The following OR1J2 variants were observed in gnomAD, a reference collection of about 807,000 sequenced individuals.
The protein encoded by OR1J2 is olfactory receptor family 1 subfamily J member 2.
For synonymous variants in OR1J2, 142 were observed against 99.7 expected (o/e 1.42, Z -2.52); for missense variants, 304 against 246.1 (o/e 1.24, Z -1.57).
chr9:122,538,276 C>T, the OR1J2 span, among the ~76,000 whole-genome samples: 1 of 152,050 alleles, frequency 6.6e-6, no homozygotes, highest in Admixed American at 6.6e-5. Context: ...TTCCTTTCTT[C>T]TCTCTCATCA....
chr9:122,558,656 A>G, the OR1J2 span, among the ~76,000 whole-genome samples: 1 of 150,698 alleles, frequency 6.6e-6, no homozygotes, highest in African/African-American at 2.4e-5. Context: ...TAGGTTTGCC[A>G]TTACCAAAAA....
At chr9:122,470,616 C>T in the OR1J2 span, among the ~76,000 whole-genome samples, 3 of 152,174 alleles carry the variant, frequency 2.0e-5, no homozygotes, top group East Asian at 5.8e-4. Context: ...GGCCACTGTT[C>T]TCCAGACCCC....
At chr9:122,565,061 G>T in the OR1J2 span, among the ~76,000 whole-genome samples, 1 of 152,282 alleles carries the variant, frequency 6.6e-6, no homozygotes, top group Non-Finnish European at 1.5e-5. Context: ...AATTTATAGG[G>T]TCCAGTGGTG....
chr9:122,461,431 A>C, the OR1J2 span, among the ~76,000 whole-genome samples: 1 of 149,370 alleles, frequency 6.7e-6, no homozygotes, highest in East Asian at 2.0e-4. Flanking sequence ...TTCTGCTCTG[A>C]TCTTGGTTAT....
the OR1J2 span, among the ~76,000 whole-genome samples, chr9:122,449,377 T>A: frequency 1.3e-5 from 2 of 152,062 alleles, no homozygotes; most frequent in African/African-American, 4.8e-5. Context: ...TATTTTAGTT[T>A]ATTTTTTTCT....
chr9:122,578,439 A>C, the OR1J2 span: 1 of 111,284 alleles, frequency 9.0e-6, no homozygotes. Context: ...ACAGTGCAAG[A>C]CTCCATCTCA....
the OR1J2 span, among the ~76,000 whole-genome samples, chr9:122,538,236 C>T: frequency 6.6e-6 from 1 of 151,936 alleles, no homozygotes; most frequent in African/African-American, 2.4e-5. Context: ...AACCGAGGAC[C>T]CACCCTGACT....
At chr9:122,514,988 T>C (rs1828679262), downstream of OR1J2, among the ~76,000 whole-genome samples, 1 of 152,190 alleles carries the variant, frequency 6.6e-6, no homozygotes, top group Admixed American at 6.5e-5. Flanking sequence ...CATCGAAGTT[T>C]AGAGACCACT....
the OR1J2 span, among the ~76,000 whole-genome samples, chr9:122,449,963 T>C: frequency 2.6e-5 from 4 of 152,340 alleles, no homozygotes; most frequent in South Asian, 8.3e-4. Flanking sequence ...TTGTCAATAC[T>C]TCTTTGCCAT....
At chr9:122,499,444 A>T in the OR1J2 span, among the ~76,000 whole-genome samples, 3 of 152,196 alleles carry the variant, frequency 2.0e-5, no homozygotes, top group African/African-American at 7.2e-5. Context: ...CCAGGCAAAC[A>T]GGTGCTTTGA....
chr9:122,479,225 C>A, the OR1J2 span, among the ~76,000 whole-genome samples: 1 of 152,174 alleles, frequency 6.6e-6, no homozygotes, highest in African/African-American at 2.4e-5. Flanking sequence ...ATTTCACATT[C>A]AGTGGATTTC....
the OR1J2 span, among the ~76,000 whole-genome samples, chr9:122,472,868 C>T: frequency 1.3e-5 from 2 of 152,174 alleles, no homozygotes; most frequent in Non-Finnish European, 2.9e-5. Flanking sequence ...ATATATGTAT[C>T]TTATCTAAGG....
chr9:122,523,268 T>C, the OR1J2 span, among the ~76,000 whole-genome samples: 3 of 151,920 alleles, frequency 2.0e-5, no homozygotes, highest in Non-Finnish European at 4.4e-5. Context: ...TATACATAGG[T>C]GTGTATGAGT....
chr9:122,448,514 G>C, the OR1J2 span, among the ~76,000 whole-genome samples: 318 of 152,206 alleles, frequency 2.1e-3, 1 homozygote, highest in African/African-American at 7.1e-3. Flanking sequence ...CTTCACGGGC[G>C]TCAGGCTGGG....
At chr9:122,455,125 G>A in the OR1J2 span, among the ~76,000 whole-genome samples, 4 of 152,176 alleles carry the variant, frequency 2.6e-5, no homozygotes, top group African/African-American at 4.8e-5. Flanking sequence ...ATCCATTGAT[G>A]AACATTTGTG....
chr9:122,540,053 C>A, the OR1J2 span, among the ~76,000 whole-genome samples: 1 of 152,164 alleles, frequency 6.6e-6, no homozygotes, highest in Admixed American at 6.5e-5. Flanking sequence ...AATTTTCTCC[C>A]ATTTTGTAGG....
chr9:122,539,741 A>T, the OR1J2 span, among the ~76,000 whole-genome samples: 2 of 152,104 alleles, frequency 1.3e-5, no homozygotes, highest in African/African-American at 4.8e-5. Flanking sequence ...ACAGTGTAAG[A>T]GTGTTCTTAT....
chr9:122,536,751 T>C, the OR1J2 span, among the ~76,000 whole-genome samples: 3 of 152,192 alleles, frequency 2.0e-5, no homozygotes, highest in African/African-American at 7.2e-5. Flanking sequence ...AAAGATTAGA[T>C]AGGTTCCAGT....
the OR1J2 span, chr9:122,567,578 G>A: frequency 6.2e-7 from 1 of 1,600,748 alleles, no homozygotes. Context: ...GCTTCCTCAG[G>A]CCCTGTTTCA....
Sources: gnomAD v4.1 joint callset for allele counts (sites outside exome capture counted in the v4.1 genomes callset) on GRCh38, gnomAD v4.1.1 for gene constraint, MANE v1.5 for transcripts, NCBI Gene and HGNC (gene_info 2026-07-23, HGNC 2026-07-21) for gene names.